TIAM1: variants seen among roughly 807,000 people sequenced by gnomAD.
TIAM1 encodes the protein TIAM Rac1 associated GEF 1, also known as rho guanine nucleotide exchange factor TIAM1.
A neutral mutation model predicts 163.5 loss-of-function variants in TIAM1; 65 were observed. The observed-to-expected ratio is 0.40, with a 90% CI of 0.33 to 0.49. The LOEUF is 0.49. TIAM1 is among the 20% of genes least tolerant of loss of function. The pLI, the probability that TIAM1 is intolerant of heterozygous loss-of-function variation, is 0.77. For synonymous variants in TIAM1, 833 were observed against 810.1 expected (o/e 1.03, Z -0.48); for missense variants, 1,789 against 2,044.7 (o/e 0.87, Z 2.41).
intron 2 of TIAM1, among the ~76,000 whole-genome samples, chr21:31,399,284 C>G (rs75371149): frequency 0.015 from 2,300 of 152,026 alleles, 54 homozygotes; most frequent in African/African-American, 0.051. Flanking sequence ...GATAAGTTCT[C>G]TCTTTAAAAT....
chr21:31,525,959 G>A (rs2047767421), intron 1 of TIAM1, among the ~76,000 whole-genome samples: 1 of 151,022 alleles, frequency 6.6e-6, no homozygotes, highest in Non-Finnish European at 1.5e-5. Context: ...GCTTGAACCC[G>A]GGAGGCAGAG....
intron 23 of TIAM1, among the ~76,000 whole-genome samples, chr21:31,134,252 A>G (rs1375887734): frequency 6.6e-6 from 1 of 152,176 alleles, no homozygotes; most frequent in Non-Finnish European, 1.5e-5. Flanking sequence ...CTGTAGTCCC[A>G]CATCACTGTG....
rs577751540 is a variant in TIAM1, at chr21:31,130,976, T to C, written c.3884-28A>G. ...GGAAAAAATAAAATAAAGACAGTTA[T>C]GGTATGTCATGTGTAGGGTTTTCCC... On this transcript the variant is annotated intron_variant, in intron 23 of 27. Coordinates refer to ENST00000541036, the MANE Select transcript of TIAM1 (RefSeq NM_001353694.2). 3.6e-5 allele frequency: 57 copies of C among 1,598,978 alleles called. 1 individual carries two copies. In the South Asian group the frequency reaches 5.9e-4, roughly 17 times the overall value.
chr21:31,384,534 C>T (rs1238322689), intron 2 of TIAM1, among the ~76,000 whole-genome samples: 1 of 152,108 alleles, frequency 6.6e-6, no homozygotes, highest in Non-Finnish European at 1.5e-5. Context: ...ATGATCACAC[C>T]ACTGCACTCC....
intron 2 of TIAM1, among the ~76,000 whole-genome samples, chr21:31,408,043 T>C (rs1292477088): frequency 6.6e-6 from 1 of 152,194 alleles, no homozygotes; most frequent in Non-Finnish European, 1.5e-5. Flanking sequence ...ATGCTTGCAA[T>C]TGAAAAGGCT....
At chr21:31,418,058 A>T (rs1214060270) in intron 2 of TIAM1, among the ~76,000 whole-genome samples, 1 of 152,124 alleles carries the variant, frequency 6.6e-6, no homozygotes, top group African/African-American at 2.4e-5. Context: ...TCTGACTTTT[A>T]AAAAGGTGCC....
intron 6 of TIAM1, 102 bp downstream of exon 6, chr21:31,245,372 TAAAAAAAAAAAAAA>T (rs35494700): frequency 1.4e-5 from 3 of 209,926 alleles, no homozygotes; most frequent in Non-Finnish European, 7.4e-6. Flanking sequence ...ATCTCACCAC[TAAAAAAAAAAAAAA>T]AAAAAAAAAA....
chr21:31,223,316 C>G (rs1226766271), intron 8 of TIAM1, 90 bp downstream of exon 8: 1 of 1,416,920 alleles, frequency 7.1e-7, no homozygotes, highest in East Asian at 2.4e-5. Context: ...GCAGGAAGCT[C>G]GAAAAACACT....
rs1012739584 is a variant in TIAM1 at position 31,489,583 on chromosome 21, T to A, written c.-421-25548A>T. 9.4e-4 allele frequency among the ~76,000 whole-genome samples: 135 copies of A among 143,380 alleles called. 1 individual carries two copies. The highest frequency in any genetic ancestry group is 2.5e-3 in the Admixed American group (36 of 14,382). The allele number at this position is 143,380 out of a possible 152,430, so 94.1% of individuals were successfully genotyped here. On this transcript the variant is annotated intron_variant, in intron 1 of 28. Coordinates refer to the TIAM1 transcript ENST00000286827. ...GGGAAAAGTGCAGACCCCCCCCCCC[T>A]TGGCAGATGGGAGGGGCCACCCTGG...
intron 12 of TIAM1, among the ~76,000 whole-genome samples, chr21:31,201,848 C>T (rs992756849): frequency 4.6e-5 from 7 of 152,142 alleles, no homozygotes; most frequent in Non-Finnish European, 8.8e-5. Flanking sequence ...TGTTTCTTTC[C>T]TGGAACTGAC....
intron 2 of TIAM1, among the ~76,000 whole-genome samples, chr21:31,394,572 T>C (rs1308890238): frequency 6.6e-6 from 1 of 152,086 alleles, no homozygotes; most frequent in Admixed American, 6.6e-5. Context: ...GGCAGGATGT[T>C]GGTGGTGGGA....
At chr21:31,386,595 A>T (rs976686842) in intron 2 of TIAM1, among the ~76,000 whole-genome samples, 2 of 152,032 alleles carry the variant, frequency 1.3e-5, no homozygotes, top group Non-Finnish European at 2.9e-5. Flanking sequence ...CCCTGAGGGG[A>T]CTACTTGGGA....
Position 31,375,966 on chromosome 21 carries a change from G to C in TIAM1, c.-368-36544C>G, listed in dbSNP as rs191573273. On this transcript the variant is annotated intron_variant, in intron 2 of 28. Coordinates refer to the TIAM1 transcript ENST00000286827. ...CACTGGAATCCAGGAGGCAGAGGTT[G>C]CAGTGAGCTGAGATTGTGCCACTGC... Among the ~76,000 whole-genome samples, 4 of 152,200 alleles carry C rather than the reference G, an allele frequency of 2.6e-5. No homozygotes were observed. In the East Asian group the frequency reaches 7.7e-4, roughly 29 times the overall value.
At chr21:31,196,050 A>G (rs2085834660) in intron 12 of TIAM1, among the ~76,000 whole-genome samples, 1 of 152,190 alleles carries the variant, frequency 6.6e-6, no homozygotes, top group East Asian at 1.9e-4. Flanking sequence ...TCCAGAAACT[A>G]TAAGGAACTT....
chr21:31,525,983 G>C (rs372991797), intron 1 of TIAM1, among the ~76,000 whole-genome samples: 5 of 148,040 alleles, frequency 3.4e-5, no homozygotes, highest in Admixed American at 6.9e-5. Flanking sequence ...GCAGTGAGCC[G>C]AGATCACGCC....
chr21:31,409,895 AT>A (rs1238652303), intron 2 of TIAM1, among the ~76,000 whole-genome samples: 1 of 146,484 alleles, frequency 6.8e-6, no homozygotes, highest in Non-Finnish European at 1.5e-5. Context: ...TTTTTTTTTT[AT>A]TTGGGGGCTT....
At chr21:31,470,910 C>A (rs550849707) in intron 1 of TIAM1, among the ~76,000 whole-genome samples, 1 of 152,252 alleles carries the variant, frequency 6.6e-6, no homozygotes, top group South Asian at 2.1e-4. Flanking sequence ...GGACCAGCAC[C>A]ACCCCTCCAG....
intron 15 of TIAM1, among the ~76,000 whole-genome samples, chr21:31,171,035 C>CAAAAAAAAAAAAAAAAAA (rs34291568): frequency 1.5e-4 from 3 of 19,576 alleles, no homozygotes; most frequent in Admixed American, 6.7e-4. Flanking sequence ...GACTCCATCT[C>CAAAAAAAAAAAAAAAAAA]AAAAAAAAAA....
chr21:31,454,662 AC>A (rs2045020556), intron 2 of TIAM1, among the ~76,000 whole-genome samples: 1 of 152,244 alleles, frequency 6.6e-6, no homozygotes, highest in East Asian at 1.9e-4. Context: ...GAGATTGGTT[AC>A]AAACATGCCA....
Sources: gnomAD v4.1 joint callset for allele counts (sites outside exome capture counted in the v4.1 genomes callset) on GRCh38, gnomAD v4.1.1 for gene constraint, MANE v1.5 for transcripts, NCBI Gene and HGNC (gene_info 2026-07-23, HGNC 2026-07-21) for gene names.